Variants in RORA observed in about 807,000 individuals in gnomAD.
RORA encodes the protein nuclear receptor ROR-alpha.
A neutral mutation model predicts 69.5 loss-of-function variants in RORA; 7 were observed. That is an observed-to-expected ratio of 0.10 (90% CI 0.06 to 0.19). The LOEUF is 0.19. Ranked by LOEUF, RORA falls within the 10% of genes least tolerant of loss-of-function variation. The pLI is 1.00. For synonymous variants in RORA, 261 were observed against 240.8 expected (o/e 1.08, Z -0.78); for missense variants, 457 against 663.0 (o/e 0.69, Z 3.41).
intron 1 of RORA, among the ~76,000 whole-genome samples, chr15:60,900,058 G>A (rs1891344156): frequency 6.6e-6 from 1 of 152,192 alleles, no homozygotes; most frequent in Non-Finnish European, 1.5e-5. Context: ...CCTTTTCTGA[G>A]TTGCTTTAAT....
Position 61,059,685 on chromosome 15 carries a change from A to AT in RORA, c.166+169367dup, listed in dbSNP as rs772696337. Among the ~76,000 whole-genome samples the AT allele has an allele frequency of 7.3e-5, 11 of 150,940 alleles. No individual in the cohort carries two copies. In the East Asian group the frequency reaches 9.7e-4, roughly 13 times the overall value. On this transcript the variant is annotated intron_variant, in intron 1 of 10. Transcript: ENST00000335670. ...TTATAATAAAAGATTCTTCTTCTCA[A>AT]TTTTTTTTTAATGTGTCCTGTCCCT...
chr15:61,194,148 C>T (rs2140918805), intron 1 of RORA: 1 of 152,302 alleles, frequency 6.6e-6, no homozygotes, highest in East Asian at 1.9e-4. Flanking sequence ...AAACTGAATG[C>T]CTTTCAGAGA....
intron 1 of RORA, among the ~76,000 whole-genome samples, chr15:60,808,780 A>G (rs2072698332): frequency 6.6e-6 from 1 of 151,696 alleles, no homozygotes; most frequent in African/African-American, 2.4e-5. Context: ...TTATGTGTAT[A>G]TATACACACA....
chr15:60,829,111 G>C (rs1203545132), intron 1 of RORA, among the ~76,000 whole-genome samples: 4 of 152,152 alleles, frequency 2.6e-5, no homozygotes, highest in Non-Finnish European at 5.9e-5. Context: ...TATCAGGGAG[G>C]AGATGCCTTT....
chr15:60,990,603 T>C lies in RORA; in HGVS notation c.166+238450A>G, dbSNP rs140805686. Reference sequence around the variant, plus strand: ...TAAGACAGCAGATCCTGGAAGAACTTGGGTTCTCGGAATGAGGCAACGGAA... The same window carrying C: ...TAAGACAGCAGATCCTGGAAGAACTCGGGTTCTCGGAATGAGGCAACGGAA... On this transcript the variant is annotated intron_variant, in intron 1 of 10. Transcript: ENST00000335670. Among the ~76,000 whole-genome samples the C allele has an allele frequency of 2.0e-3, 311 of 152,292 alleles. 2 individuals carry two copies. Among genetic ancestry groups the C allele is most frequent in the Non-Finnish European group, 3.1e-3 (208 of 68,022 alleles).
intron 2 of RORA, among the ~76,000 whole-genome samples, chr15:60,613,761 T>A: frequency 3.2e-5 from 4 of 126,808 alleles, no homozygotes; most frequent in East Asian, 2.5e-4. Flanking sequence ...AGCCACAAAG[T>A]CACCTGAAAA....
At chr15:61,109,635 C>T (rs1370140366) in intron 1 of RORA, among the ~76,000 whole-genome samples, 1 of 152,196 alleles carries the variant, frequency 6.6e-6, no homozygotes. Flanking sequence ...TTAGAAACTA[C>T]AAACCTAAAA....
intron 1 of RORA, among the ~76,000 whole-genome samples, chr15:61,140,820 A>G (rs2079290861): frequency 6.6e-6 from 1 of 152,178 alleles, no homozygotes; most frequent in South Asian, 2.1e-4. Flanking sequence ...TTGTACCTTC[A>G]TATTTGGAGA....
At chr15:60,580,284 C>T (rs1180011037) in intron 2 of RORA, among the ~76,000 whole-genome samples, 1 of 152,122 alleles carries the variant, frequency 6.6e-6, no homozygotes, top group African/African-American at 2.4e-5. Flanking sequence ...ATGTCACACA[C>T]CTGTTAAGTA....
intron 1 of RORA, among the ~76,000 whole-genome samples, chr15:61,002,515 T>C (rs1181283517): frequency 1.3e-5 from 2 of 152,212 alleles, no homozygotes; most frequent in African/African-American, 4.8e-5. Flanking sequence ...TCTTGCTCAG[T>C]GTTAAAACAA....
chr15:60,775,745 T>C (rs1457847739), intron 1 of RORA, among the ~76,000 whole-genome samples: 1 of 152,196 alleles, frequency 6.6e-6, no homozygotes, highest in Non-Finnish European at 1.5e-5. Context: ...GTGTTGCAGA[T>C]TCACGGAGGG....
intron 1 of RORA, among the ~76,000 whole-genome samples, chr15:60,942,410 T>C (rs1892729117): frequency 6.6e-6 from 1 of 152,234 alleles, no homozygotes; most frequent in Non-Finnish European, 1.5e-5. Context: ...CAGAACCAGG[T>C]TTCCGTTTTA....
chr15:61,094,327 A>T (rs549516050), intron 1 of RORA, among the ~76,000 whole-genome samples: 69 of 152,332 alleles, frequency 4.5e-4, no homozygotes, highest in Non-Finnish European at 7.6e-4. Context: ...AGGCCATTAA[A>T]TTGACCTTGG....
chr15:60,535,153 C>A (rs1410989234), intron 2 of RORA, among the ~76,000 whole-genome samples: 1 of 152,118 alleles, frequency 6.6e-6, no homozygotes, highest in Non-Finnish European at 1.5e-5. Flanking sequence ...ATTAACTCAG[C>A]CAGCATTTCA....
At chr15:60,732,722 C>T (rs2071444884) in intron 1 of RORA, among the ~76,000 whole-genome samples, 1 of 152,058 alleles carries the variant, frequency 6.6e-6, no homozygotes, top group Admixed American at 6.6e-5. Flanking sequence ...ACATAACCAA[C>T]ACATGAACAC....
chr15:60,516,067 T>A (rs868507489), intron 3 of RORA, among the ~76,000 whole-genome samples: 12 of 52,064 alleles, frequency 2.3e-4, no homozygotes, highest in African/African-American at 9.6e-4. Flanking sequence ...TTATATATAT[T>A]TATATATATT....
chr15:60,547,487 T>G (rs1272180002), intron 2 of RORA, among the ~76,000 whole-genome samples: 1 of 151,906 alleles, frequency 6.6e-6, no homozygotes, highest in Non-Finnish European at 1.5e-5. Context: ...CCACCACGTC[T>G]GGGTAATTTT....
chr15:60,930,144 A>G (rs917763421), intron 1 of RORA, among the ~76,000 whole-genome samples: 25 of 152,200 alleles, frequency 1.6e-4, no homozygotes, highest in Admixed American at 9.2e-4. Flanking sequence ...CCATGTGGCT[A>G]GCGGCTACCA....
At chr15:60,915,076 G>A (rs1045127343) in intron 1 of RORA, among the ~76,000 whole-genome samples, 1 of 152,178 alleles carries the variant, frequency 6.6e-6, no homozygotes, top group Non-Finnish European at 1.5e-5. Flanking sequence ...CTAGAAAGTA[G>A]CCACACCAGA....
Sources: gnomAD v4.1 joint callset for allele counts (sites outside exome capture counted in the v4.1 genomes callset) on GRCh38, gnomAD v4.1.1 for gene constraint, MANE v1.5 for transcripts, NCBI Gene and HGNC (gene_info 2026-07-23, HGNC 2026-07-21) for gene names.